Variants in RTN4R observed in about 807,000 individuals in gnomAD.
RTN4R encodes the protein reticulon-4 receptor.
Under a neutral mutation model 27.7 loss-of-function variants are expected in RTN4R, and 4 were observed. The observed-to-expected ratio is 0.14, with a 90% CI of 0.07 to 0.33. RTN4R has a LOEUF of 0.33. RTN4R is among the 10% of genes least tolerant of loss of function. The pLI is 1.00. For missense variants in RTN4R, 554 were observed against 671.5 expected, an observed-to-expected ratio of 0.83 and a Z score of 1.93; for synonymous variants, 290 against 305.6, an observed-to-expected ratio of 0.95 and a Z score of 0.53.
chr22:20,247,175 T>A (rs1223364656), intron 1 of RTN4R, among the ~76,000 whole-genome samples: 1 of 151,224 alleles, frequency 6.6e-6, no homozygotes, highest in Non-Finnish European at 1.5e-5. Flanking sequence ...AGCTGCTGCT[T>A]CCCAGGGCTG....
At chr22:20,244,335 G>A (rs1288928651) in intron 1 of RTN4R, among the ~76,000 whole-genome samples, 2 of 152,194 alleles carry the variant, frequency 1.3e-5, no homozygotes, top group African/African-American at 2.4e-5. Context: ...CCCACATGGG[G>A]CCCCTGCCCC....
intron 1 of RTN4R, among the ~76,000 whole-genome samples, chr22:20,245,768 C>T (rs1318202421): frequency 6.6e-6 from 1 of 152,192 alleles, no homozygotes; most frequent in Non-Finnish European, 1.5e-5. Flanking sequence ...CTGCCATCAC[C>T]CCACTTTCCA....
chr22:20,255,892 C>T lies in RTN4R; in HGVS notation c.22+12179G>A, dbSNP rs1485362247. Among the ~76,000 whole-genome samples, 3 of 152,248 alleles carry T rather than the reference C, an allele frequency of 2.0e-5. No homozygotes were observed. The highest frequency in any genetic ancestry group is 2.4e-5 in the African/African-American group (1 of 41,458). On this transcript the variant is annotated intron_variant, in intron 1 of 1. Coordinates refer to ENST00000043402, the MANE Select transcript of RTN4R (RefSeq NM_023004.6). The surrounding 1 kb of genome is among the most constrained non-coding windows in gnomAD (Gnocchi z 4.8). ...TCAGCTGCTATGAGAGCCCCCAATGCGTCTCCACAACCAAACCGAGGCACG... is the reference window on the plus strand; with the variant it reads ...TCAGCTGCTATGAGAGCCCCCAATGTGTCTCCACAACCAAACCGAGGCACG...
At chr22:20,258,494 C>G (rs899703790) in intron 1 of RTN4R, among the ~76,000 whole-genome samples, 1 of 152,238 alleles carries the variant, frequency 6.6e-6, no homozygotes, top group Admixed American at 6.5e-5. Context: ...GGGGCACAAG[C>G]TTGGCTGAGC....
At chr22:20,245,965 C>T (rs1279338879) in intron 1 of RTN4R, among the ~76,000 whole-genome samples, 3 of 152,228 alleles carry the variant, frequency 2.0e-5, no homozygotes, top group Non-Finnish European at 2.9e-5. Flanking sequence ...CCTGAGCCTG[C>T]GAGGGCCCCA....
intron 1 of RTN4R, among the ~76,000 whole-genome samples, chr22:20,260,551 G>A (rs1426051755): frequency 6.6e-6 from 1 of 152,168 alleles, no homozygotes; most frequent in Non-Finnish European, 1.5e-5. Context: ...GCCCTCCCTC[G>A]ACAGCCGTGC....
At position 20,242,840 on chromosome 22, in the gene RTN4R, G is replaced by A. The variant is rs760043964; in HGVS notation, c.293C>T (p.Ala98Val). Residue 98 changes from alanine to valine, a missense_variant, in exon 2 of 2, where the codon GCG becomes GTG. Coordinates refer to ENST00000043402, the MANE Select transcript of RTN4R (RefSeq NM_023004.6). ...GAGGGCCAGGCCAGTGAAGGCAGCC[G>A]CATCAATTCGGGCCAGCACATTCGA... ...LHSNVLARID[A>V]AAFTGLALLE... 26 of 1,612,910 alleles carry A rather than the reference G, an allele frequency of 1.6e-5. No individual in the cohort carries two copies. Among genetic ancestry groups the A allele is most frequent in the East Asian group, 8.9e-5 (4 of 44,878 alleles).
At chr22:20,260,916 C>T (rs552890672) in intron 1 of RTN4R, among the ~76,000 whole-genome samples, 85 of 152,230 alleles carry the variant, frequency 5.6e-4, no homozygotes, top group African/African-American at 2.0e-3. Context: ...ATGCACCCAG[C>T]CTCCCCTCCG....
At chr22:20,245,791 C>G (rs574722398) in intron 1 of RTN4R, among the ~76,000 whole-genome samples, 2 of 152,224 alleles carry the variant, frequency 1.3e-5, no homozygotes, top group Non-Finnish European at 2.9e-5. Context: ...CTCACCCAGT[C>G]TCACCCTGGC....
At chr22:20,253,357 C>A (rs2051195162) in intron 1 of RTN4R, among the ~76,000 whole-genome samples, 1 of 152,216 alleles carries the variant, frequency 6.6e-6, no homozygotes, top group African/African-American at 2.4e-5. Flanking sequence ...GATGGTCCCC[C>A]TCCCCTGCTC....
chr22:20,253,899 A>C (rs1479341505), intron 1 of RTN4R, among the ~76,000 whole-genome samples: 1 of 152,210 alleles, frequency 6.6e-6, no homozygotes, highest in Non-Finnish European at 1.5e-5. Context: ...TCTTCCAGAA[A>C]GAAAAACAAA....
chr22:20,245,266 C>T (rs1303228030), intron 1 of RTN4R, among the ~76,000 whole-genome samples: 3 of 152,158 alleles, frequency 2.0e-5, no homozygotes, highest in Non-Finnish European at 4.4e-5. Flanking sequence ...AACTGCTTTT[C>T]GTAAACCAAC....
At position 20,255,357 on chromosome 22, in the gene RTN4R, C is replaced by T. The variant is rs963408120; in HGVS notation, c.23-12247G>A. Among the ~76,000 whole-genome samples, 3 of 152,154 alleles carry T rather than the reference C, an allele frequency of 2.0e-5. No homozygotes were observed. Among genetic ancestry groups the T allele is most frequent in the African/African-American group, 7.2e-5 (3 of 41,418 alleles). On this transcript the variant is annotated intron_variant, in intron 1 of 1. Coordinates refer to ENST00000043402, the MANE Select transcript of RTN4R (RefSeq NM_023004.6). This position sits in a 1 kb window ranked among gnomAD's most constrained non-coding sequence, Gnocchi z 4.8. ...GTGTCTCCAAGGTGCAGGAGGAGAG[C>T]GAGGGACAGTGAGAGCTCAAGAGCA...
At chr22:20,261,964 G>A (rs2051250095) in intron 1 of RTN4R, among the ~76,000 whole-genome samples, 1 of 152,230 alleles carries the variant, frequency 6.6e-6, no homozygotes, top group South Asian at 2.1e-4. Context: ...GGCAGGCAGT[G>A]CCTGGCTGGA....
At chr22:20,243,155 T>C (rs758331486) in intron 1 of RTN4R, 45 bp from the exon 2 acceptor site, 6 of 1,569,540 alleles carry the variant, frequency 3.8e-6, no homozygotes, top group South Asian at 3.4e-5. Flanking sequence ...GCAGGGGTAC[T>C]GGAGAAGCTG....
At chr22:20,253,613 G>T (rs945593289) in intron 1 of RTN4R, among the ~76,000 whole-genome samples, 5 of 152,152 alleles carry the variant, frequency 3.3e-5, no homozygotes, top group Admixed American at 3.3e-4. Flanking sequence ...AAAGTGACCA[G>T]AAAACCAGTG....
rs979267192 is a variant in RTN4R at position 20,268,098 on chromosome 22, G to T, written c.-6C>A. 8.4e-7 allele frequency: 1 copy of T among 1,186,674 alleles called. No homozygotes were observed. Among genetic ancestry groups the T allele is most frequent in the South Asian group, 3.2e-5 (1 of 31,570 alleles). The allele number at this position is 1,186,674 out of a possible 1,614,324, so 73.5% of individuals were successfully genotyped here. A position where few individuals can be genotyped will look rare whatever the true frequency, so the allele number is the denominator to read the frequency against. On this transcript the variant is annotated 5_prime_UTR_variant, in exon 1 of 2. Coordinates refer to ENST00000043402, the MANE Select transcript of RTN4R (RefSeq NM_023004.6). ...CCAGCGGACGCCCTCTTCATCGTAG[G>T]GGTTGGGCGGGGCGCGTCGGGGACT...
intron 1 of RTN4R, among the ~76,000 whole-genome samples, chr22:20,267,373 G>A (rs2051284104): frequency 6.6e-6 from 1 of 152,212 alleles, no homozygotes; most frequent in African/African-American, 2.4e-5. Flanking sequence ...TGCCCGCACC[G>A]CGGGACCTCA....
At chr22:20,261,603 C>T (rs889974065) in intron 1 of RTN4R, among the ~76,000 whole-genome samples, 12 of 152,344 alleles carry the variant, frequency 7.9e-5, no homozygotes, top group South Asian at 6.2e-4. Context: ...CTGCACCTAA[C>T]AGCCAGTCTT....
Sources: gnomAD v4.1 joint callset for allele counts (sites outside exome capture counted in the v4.1 genomes callset) on GRCh38, gnomAD v4.1.1 for gene constraint, Gnocchi (gnomAD v3.1) non-coding constraint, MANE v1.5 for transcripts, NCBI Gene and HGNC (gene_info 2026-07-23, HGNC 2026-07-21) for gene names.